The following NBPF11 variants were observed in gnomAD, a reference collection of about 807,000 sequenced individuals.
The protein encoded by NBPF11 is NBPF member 11.
A neutral mutation model predicts 93.9 loss-of-function variants in NBPF11; 72 were observed. That is an observed-to-expected ratio of 0.77 (90% CI 0.63 to 0.93). NBPF11 has a LOEUF of 0.93. NBPF11 is among the 40% of genes least tolerant of loss of function. The pLI is 0.00. For missense variants in NBPF11, 705 were observed against 802.2 expected (o/e 0.88, Z 1.46); for synonymous variants, 224 against 304.9 (o/e 0.73, Z 2.76).
rs1164853002 is a variant in NBPF11, at chr1:148,103,461, A to T, written c.*435T>A. On this transcript the variant is annotated 3_prime_UTR_variant, in exon 24 of 24. Coordinates refer to ENST00000682118, the MANE Select transcript of NBPF11 (RefSeq NM_001385469.3). The stretch of plus-strand genomic sequence containing the variant: ...CACTCCCGGCATGTGCTGCACAGTT[A>T]TGTGAACGTGTCACACCTAACGTGG... 2 of 781,900 alleles carry T rather than the reference A, an allele frequency of 2.6e-6. No individual in the cohort carries two copies. Among genetic ancestry groups the T allele is most frequent in the Non-Finnish European group, 4.0e-6 (2 of 499,566 alleles). The allele number at this position is 781,900 out of a possible 1,614,324, so 48.4% of individuals were successfully genotyped here.
Position 148,121,372 on chromosome 1 carries a change from C to G in NBPF11, c.779-662G>C, listed in dbSNP as rs1226955385. 1.7e-4 allele frequency among the ~76,000 whole-genome samples: 18 copies of G among 106,818 alleles called. 1 individual carries two copies. The highest frequency in any genetic ancestry group is 5.2e-4 in the South Asian group (2 of 3,820). 70.1% of individuals were successfully genotyped at this position (106,818 alleles called of 152,430 possible). On this transcript the variant is annotated intron_variant, in intron 9 of 23. Coordinates refer to ENST00000682118, the MANE Select transcript of NBPF11 (RefSeq NM_001385469.3). Reference sequence around the variant, plus strand: ...ACTTTTTTTTTTTTTTTTTGAGATGCAGTCTCGCTCTGTCTCCCAGGCTGG... The same window carrying G: ...ACTTTTTTTTTTTTTTTTTGAGATGGAGTCTCGCTCTGTCTCCCAGGCTGG...
In NBPF11 at chr1:148,103,631, C is replaced by G; in HGVS notation, c.*265G>C. 1.2e-6 allele frequency: 2 copies of G among 1,610,838 alleles called. No homozygotes were observed. Among genetic ancestry groups the G allele is most frequent in the South Asian group, 2.2e-5 (2 of 90,972 alleles). Reference sequence around the variant, plus strand: ...AATCTTCAGGTGCCTATAGGTCCTGCCTGCAGGAATGACACCTCTCGGCTT... The same window carrying G: ...AATCTTCAGGTGCCTATAGGTCCTGGCTGCAGGAATGACACCTCTCGGCTT... On this transcript the variant is annotated 3_prime_UTR_variant, in exon 24 of 24. Transcript: ENST00000682118.
At chr1:148,113,767 G>GTCTC (rs1665843783) in intron 15 of NBPF11, among the ~76,000 whole-genome samples, 5 of 46,378 alleles carry the variant, frequency 1.1e-4, no homozygotes, top group Admixed American at 5.5e-4. Context: ...ACAACAAACT[G>GTCTC]TCAGACCACA....
At chr1:148,127,912 C>T (rs1361746569) in intron 4 of NBPF11, among the ~76,000 whole-genome samples, 2 of 151,986 alleles carry the variant, frequency 1.3e-5, no homozygotes, top group African/African-American at 4.8e-5. Flanking sequence ...GCCTCGGCCT[C>T]CCAAAGTGCT....
rs1400912465 is a variant in NBPF11, at chr1:148,103,674, G to A, written c.*222C>T. On this transcript the variant is annotated 3_prime_UTR_variant, in exon 24 of 24. Transcript: ENST00000682118. The stretch of plus-strand genomic sequence containing the variant: ...CTCGGCTTAGTAAGGGCTGCTTATT[G>A]TGGGAATATGACTCCCATCTGGAAG... The A allele has an allele frequency of 1.2e-6, 2 of 1,611,090 alleles. No individual in the cohort carries two copies. Among genetic ancestry groups the A allele is most frequent in the Non-Finnish European group, 1.7e-6 (2 of 1,179,266 alleles).
chr1:148,150,858 G>C (rs1226866560), intron 1 of NBPF11, among the ~76,000 whole-genome samples: 2 of 151,562 alleles, frequency 1.3e-5, no homozygotes, highest in Non-Finnish European at 2.9e-5. Context: ...CTCCCGAGTA[G>C]CTGGGACTAC....
At chr1:148,126,252 G>T (rs1188805873) in intron 5 of NBPF11, among the ~76,000 whole-genome samples, 2 of 151,922 alleles carry the variant, frequency 1.3e-5, no homozygotes, top group Non-Finnish European at 2.9e-5. Flanking sequence ...GCCCGCCTCA[G>T]CCTCCCAAAG....
chr1:148,116,628 G>A, intron 12 of NBPF11, 93 bp from the exon 13 acceptor site: 1 of 602,554 alleles, frequency 1.7e-6, no homozygotes, highest in Non-Finnish European at 3.0e-6. Context: ...GAACATCTAG[G>A]CATGGGTCAC....
chr1:148,130,718 T>G (rs1321012428), intron 4 of NBPF11, among the ~76,000 whole-genome samples: 4 of 151,722 alleles, frequency 2.6e-5, no homozygotes, highest in African/African-American at 9.7e-5. Flanking sequence ...TACAAATGGA[T>G]GCACTAACGG....
At position 148,146,789 on chromosome 1, in the gene NBPF11, T is replaced by C. The variant is rs1302557689; in HGVS notation, c.-548-3103A>G. On this transcript the variant is annotated intron_variant, in intron 1 of 23. Coordinates refer to ENST00000682118, the MANE Select transcript of NBPF11 (RefSeq NM_001385469.3). ...CTGGGCCAGATGAGCAGCTTCTACA[T>C]TGGCCTGGGCTCCCGCCTCCACTGC... The C allele has an allele frequency of 5.5e-5, 88 of 1,613,382 alleles. 1 individual carries two copies. In the East Asian group the frequency reaches 8.5e-4, roughly 16 times the overall value.
At chr1:148,132,672 A>AT (rs1465235012) in intron 4 of NBPF11, among the ~76,000 whole-genome samples, 3 of 118,098 alleles carry the variant, frequency 2.5e-5, no homozygotes, top group Non-Finnish European at 5.3e-5. Flanking sequence ...TCTCAAAGCA[A>AT]TTTTTTGTAG....
chr1:148,138,797 T>C (rs1255387534), intron 2 of NBPF11, among the ~76,000 whole-genome samples: 5 of 151,920 alleles, frequency 3.3e-5, no homozygotes, highest in African/African-American at 9.7e-5. Flanking sequence ...TCTCTTTCTT[T>C]TCCCCACAGT....
intron 4 of NBPF11, among the ~76,000 whole-genome samples, chr1:148,127,806 C>A (rs1365173636): frequency 6.7e-6 from 1 of 150,016 alleles, no homozygotes; most frequent in Admixed American, 6.6e-5. Flanking sequence ...CCACGCCCGG[C>A]TAATTTTTCT....
intron 1 of NBPF11, among the ~76,000 whole-genome samples, chr1:148,151,313 C>G (rs1412127287): frequency 1.3e-5 from 2 of 152,050 alleles, no homozygotes; most frequent in East Asian, 3.9e-4. Context: ...CTGGAGACAC[C>G]GCCAGGAGCA....
At chr1:148,149,788 T>TA (rs55994625) in intron 1 of NBPF11, among the ~76,000 whole-genome samples, 10,580 of 136,564 alleles carry the variant, frequency 0.077, 590 homozygotes, top group East Asian at 0.28. Context: ...GATTTAAAAT[T>TA]AAAAAAAAAA....
At chr1:148,108,084 C>T (rs1164869413) in intron 18 of NBPF11, among the ~76,000 whole-genome samples, 1 of 149,968 alleles carries the variant, frequency 6.7e-6, no homozygotes, top group African/African-American at 2.5e-5. Flanking sequence ...AGAAAAACTG[C>T]ACTATTCAGC....
Position 148,108,640 on chromosome 1 carries a change from A to C in NBPF11, c.1868T>G (p.Leu623Arg), listed in dbSNP as rs1664407486. The C allele has an allele frequency of 8.5e-7, 1 of 1,175,272 alleles. No individual in the cohort carries two copies. Among genetic ancestry groups the C allele is most frequent in the Non-Finnish European group, 1.3e-6 (1 of 782,760 alleles). The allele number at this position is 1,175,272 out of a possible 1,614,324, so 72.8% of individuals were successfully genotyped here. A position where few individuals can be genotyped will look rare whatever the true frequency, so the allele number is the denominator to read the frequency against. ...GACTTCAGGCTCTTTCTCATCCAGCAGCTCCCTGCTGAGCCTGGAAAAGTG... is the reference window on the plus strand; with the variant it reads ...GACTTCAGGCTCTTTCTCATCCAGCCGCTCCCTGCTGAGCCTGGAAAAGTG... ...EATGPRLSRE[L>R]LDEKEPEVLQ... The change falls in exon 18 of 24, where the codon CTG (leucine) becomes CGG (arginine). Residue 623 changes from leucine to arginine, a missense_variant. By Grantham distance (102) the Leu-to-Arg change is moderately radical. Transcript: ENST00000682118.
chr1:148,133,675 C>T (rs1172139740), intron 4 of NBPF11, among the ~76,000 whole-genome samples: 11 of 151,310 alleles, frequency 7.3e-5, no homozygotes, highest in Admixed American at 1.3e-4. Flanking sequence ...TGGTGGCTCA[C>T]GCCTGTAATC....
At chr1:148,116,769 T>A (rs1418976038) in intron 12 of NBPF11, among the ~76,000 whole-genome samples, 1 of 152,036 alleles carries the variant, frequency 6.6e-6, no homozygotes, top group Non-Finnish European at 1.5e-5. Flanking sequence ...AAAGACCTTT[T>A]GCTTCCCATA....
Sources: allele counts gnomAD v4.1 joint callset (sites outside exome capture counted in the v4.1 genomes callset), GRCh38; gene constraint gnomAD v4.1.1; transcripts MANE v1.5; gene names NCBI Gene and HGNC (gene_info 2026-07-23, HGNC 2026-07-21).